Variants in GADL1 observed in about 807,000 individuals in gnomAD.
GADL1 encodes GAD like acidic amino acid decarboxylase 1, also known as acidic amino acid decarboxylase GADL1.
GADL1 carries 71 observed loss-of-function variants against 69.5 expected under a neutral mutation model. The observed-to-expected ratio is 1.02, with a 90% confidence interval of 0.84 to 1.25. GADL1 has a LOEUF of 1.25. Among genes scored for constraint, GADL1 ranks in the 50% most tolerant of loss-of-function variants. The pLI is 0.00. For synonymous variants in GADL1, 254 were observed against 214.4 expected (o/e 1.18, Z -1.62); for missense variants, 737 against 631.8 (o/e 1.17, Z -1.79).
At chr3:30,824,409 C>T (rs1022174719) in intron 11 of GADL1, among the ~76,000 whole-genome samples, 6 of 151,426 alleles carry the variant, frequency 4.0e-5, no homozygotes, top group African/African-American at 1.5e-4. Context: ...ACCATTTGAC[C>T]CACAAGAAAA....
At chr3:30,807,266 A>G (rs1256313287) in intron 11 of GADL1, among the ~76,000 whole-genome samples, 5 of 152,184 alleles carry the variant, frequency 3.3e-5, no homozygotes, top group Non-Finnish European at 7.3e-5. Flanking sequence ...CAGGCAAGCT[A>G]CAGAACAGAA....
Position 30,781,734 on chromosome 3 carries a change from C to T in GADL1, c.1303-3466G>A, listed in dbSNP as rs147526239. On this transcript the variant is annotated intron_variant, in intron 13 of 14. Coordinates refer to ENST00000282538, the MANE Select transcript of GADL1 (RefSeq NM_207359.3). ...AACTATAAAATGTAGATGATGTCTG[C>T]CCCACAGGGTTGGTTTGATGATTAA... 9.7e-4 allele frequency among the ~76,000 whole-genome samples: 147 copies of T among 152,270 alleles called. 1 individual carries two copies. Among genetic ancestry groups the T allele is most frequent in the Non-Finnish European group, 1.5e-3 (99 of 68,018 alleles).
At chr3:30,867,638 G>A (rs1226202938) in intron 1 of GADL1, among the ~76,000 whole-genome samples, 1 of 151,814 alleles carries the variant, frequency 6.6e-6, no homozygotes, top group African/African-American at 2.4e-5. Context: ...CTAGTGAGTA[G>A]TGAAACTGAG....
chr3:30,774,255 T>C (rs542135657), intron 14 of GADL1, among the ~76,000 whole-genome samples: 4 of 152,184 alleles, frequency 2.6e-5, no homozygotes, highest in East Asian at 1.9e-4. Flanking sequence ...TTGAGTGACA[T>C]TGAACTGTGT....
intron 14 of GADL1, among the ~76,000 whole-genome samples, chr3:30,744,897 G>T (rs1420866751): frequency 6.6e-6 from 1 of 152,118 alleles, no homozygotes; most frequent in African/African-American, 2.4e-5. Flanking sequence ...TTGCCTGTAG[G>T]CTGACCCTTG....
intron 11 of GADL1, among the ~76,000 whole-genome samples, chr3:30,828,275 C>G (rs529725820): frequency 6.6e-6 from 1 of 151,698 alleles, no homozygotes; most frequent in Non-Finnish European, 1.5e-5. Context: ...AGAACAGAAA[C>G]GAAAATGGGG....
intron 14 of GADL1, among the ~76,000 whole-genome samples, chr3:30,758,500 C>CA (rs568271729): frequency 1.2e-3 from 177 of 151,698 alleles, no homozygotes; most frequent in African/African-American, 4.2e-3. Flanking sequence ...GAGTAACTGA[C>CA]AAAAAAACAT....
chr3:30,842,726 A>G (rs927954108), intron 8 of GADL1, among the ~76,000 whole-genome samples: 5 of 151,752 alleles, frequency 3.3e-5, no homozygotes, highest in Non-Finnish European at 5.9e-5. Context: ...AGCAGAACGA[A>G]CTTACAAGTT....
At chr3:30,741,871 T>C (rs535925339) in intron 14 of GADL1, among the ~76,000 whole-genome samples, 7 of 152,284 alleles carry the variant, frequency 4.6e-5, no homozygotes, top group Admixed American at 1.3e-4. Flanking sequence ...GAAGAGATCC[T>C]GTGTGGCCTC....
At chr3:30,856,910 C>T in intron 3 of GADL1, 105 bp downstream of exon 3, 1 of 899,202 alleles carries the variant, frequency 1.1e-6, no homozygotes, top group Non-Finnish European at 1.6e-6. Flanking sequence ...TTTTTTGATC[C>T]AGATTTCTCG....
At chr3:30,831,160 G>A (rs1159653) in intron 11 of GADL1, among the ~76,000 whole-genome samples, 54,975 of 151,610 alleles carry the variant, frequency 0.36, 13,734 homozygotes, top group African/African-American at 0.67. Context: ...TAGTTCTTCT[G>A]TTGTTCTAAA....
At chr3:30,891,156 C>G (rs879445782) in intron 1 of GADL1, among the ~76,000 whole-genome samples, 1 of 152,076 alleles carries the variant, frequency 6.6e-6, no homozygotes, top group African/African-American at 2.4e-5. Context: ...CTGAGAGGAA[C>G]AGAATCAGTA....
intron 6 of GADL1, among the ~76,000 whole-genome samples, chr3:30,845,785 G>A (rs546847182): frequency 1.4e-3 from 217 of 152,220 alleles, no homozygotes; most frequent in African/African-American, 5.1e-3. Context: ...CATAGCTAAG[G>A]TGACATAGCT....
rs567212234 is a variant in GADL1 at position 30,894,578 on chromosome 3, C to G, written c.37G>C (p.Gly13Arg). The G allele has an allele frequency of 1.4e-5, 22 of 1,549,844 alleles. No homozygotes were observed. The highest frequency in any genetic ancestry group is 1.9e-5 in the Non-Finnish European group (22 of 1,146,032). ...AACCGCAGCCGCGCTGAGTCGTTAC[C>G]GTCCACAGGACACTGGCGGTCCGAG... ...SDSDRQCPVD[G>R]DIDQQEMIPS... Residue 13 changes from glycine (G) to arginine (R), a missense_variant and splice_region_variant, in exon 1 of 15, where the codon GGA becomes CGA. By Grantham distance (125) the Gly-to-Arg change is moderately radical. Transcript: ENST00000282538.
At position 30,727,420 on chromosome 3, in the gene GADL1, G is replaced by GTATATATA. The variant is rs1190568727; in HGVS notation, c.*821_*822insTATATATA. The GTATATATA allele has an allele frequency of 3.5e-5, 5 of 143,490 alleles. No homozygotes were observed. The highest frequency in any genetic ancestry group is 1.3e-4 in the African/African-American group (5 of 38,392). 8.9% of individuals were successfully genotyped at this position (143,490 alleles called of 1,614,324 possible). On this transcript the variant is annotated 3_prime_UTR_variant, in exon 15 of 15. Transcript: ENST00000282538. ...TATATATATATATATATGTGTGTGT[G>GTATATATA]TGTATATATATATATATATATAATT...
chr3:30,832,784 C>G (rs1305178181), intron 11 of GADL1, among the ~76,000 whole-genome samples: 1 of 151,954 alleles, frequency 6.6e-6, no homozygotes, highest in African/African-American at 2.4e-5. Flanking sequence ...AATTTTGAAA[C>G]TTAAATTTAA....
At chr3:30,847,985 A>G (rs1230471802) in intron 6 of GADL1, among the ~76,000 whole-genome samples, 1 of 152,164 alleles carries the variant, frequency 6.6e-6, no homozygotes, top group African/African-American at 2.4e-5. Context: ...TGAAGAATGA[A>G]AAAGGCAAAA....
intron 11 of GADL1, among the ~76,000 whole-genome samples, chr3:30,806,399 T>C (rs534735006): frequency 6.6e-6 from 1 of 152,220 alleles, no homozygotes; most frequent in African/African-American, 2.4e-5. Context: ...AAAATCAAAT[T>C]TAGGTTGCAA....
At chr3:30,758,625 C>T (rs1002002345) in intron 14 of GADL1, among the ~76,000 whole-genome samples, 24 of 152,262 alleles carry the variant, frequency 1.6e-4, no homozygotes, top group African/African-American at 5.8e-4. Context: ...TAAATGTGGA[C>T]CTTCTACGAA....
Sources: gnomAD v4.1 joint callset for allele counts (sites outside exome capture counted in the v4.1 genomes callset) on GRCh38, gnomAD v4.1.1 for gene constraint, MANE v1.5 for transcripts, NCBI Gene and HGNC (gene_info 2026-07-23, HGNC 2026-07-21) for gene names.